GABRG3: variants seen among roughly 807,000 people sequenced by gnomAD.
GABRG3 encodes gamma-aminobutyric acid type A receptor subunit gamma3.
In GABRG3, 25 loss-of-function variants were observed where a neutral mutation model predicts 48.8. The ratio of observed to expected loss-of-function variants is 0.51; its 90% CI spans 0.37 to 0.72. The LOEUF is 0.72. Among genes scored for constraint, GABRG3 ranks in the 30% least tolerant of loss-of-function variants. The pLI is 0.00. For missense variants in GABRG3, 394 were observed against 577.9 expected (o/e 0.68, Z 3.26); for synonymous variants, 227 against 217.6 (o/e 1.04, Z -0.38).
intron 5 of GABRG3, among the ~76,000 whole-genome samples, chr15:27,408,335 C>G (rs1418838064): frequency 1.3e-5 from 2 of 152,108 alleles, no homozygotes; most frequent in Non-Finnish European, 2.9e-5. Context: ...ATTAGTGATA[C>G]ATATAAATGA....
At position 27,180,422 on chromosome 15, in the gene GABRG3, G is replaced by A. The variant is rs558572695; in HGVS notation, c.271-146387G>A. On this transcript the variant is annotated intron_variant, in intron 3 of 9. Coordinates refer to ENST00000615808, the MANE Select transcript of GABRG3 (RefSeq NM_033223.5). The surrounding 1 kb of genome is among the most constrained non-coding windows in gnomAD (Gnocchi z 4.2). The stretch of plus-strand genomic sequence containing the variant: ...CAGTGCATTTGCATCCTGAGGTCAC[G>A]TTGTGCATCCATTGTCACACTCGGG... Among the ~76,000 whole-genome samples, 12 of 152,218 alleles carry A rather than the reference G, an allele frequency of 7.9e-5. No homozygotes were observed. Among genetic ancestry groups the A allele is most frequent in the East Asian group, 3.9e-4 (2 of 5,156 alleles).
At chr15:27,508,097 T>C (rs1890803533) in intron 6 of GABRG3, among the ~76,000 whole-genome samples, 1 of 152,242 alleles carries the variant, frequency 6.6e-6, no homozygotes, top group African/African-American at 2.4e-5. Context: ...TCTTGATTTT[T>C]ATCCAAGCTG....
At chr15:27,041,670 A>G (rs1285772240) in intron 3 of GABRG3, among the ~76,000 whole-genome samples, 3 of 152,200 alleles carry the variant, frequency 2.0e-5, no homozygotes, top group East Asian at 1.9e-4. Flanking sequence ...ACATTTGCCA[A>G]TCATCAAAGC....
At chr15:27,167,832 T>G (rs1887429815) in intron 3 of GABRG3, among the ~76,000 whole-genome samples, 1 of 151,432 alleles carries the variant, frequency 6.6e-6, no homozygotes, top group African/African-American at 2.4e-5. Flanking sequence ...AGGGAAGGAG[T>G]GGCTGCACCC....
At chr15:27,067,669 C>T (rs938467423) in intron 3 of GABRG3, among the ~76,000 whole-genome samples, 3 of 152,188 alleles carry the variant, frequency 2.0e-5, no homozygotes, top group Non-Finnish European at 2.9e-5. Flanking sequence ...TTTCAGGCCC[C>T]GATTTTGGGG....
intron 3 of GABRG3, among the ~76,000 whole-genome samples, chr15:27,242,377 A>G (rs1303406769): frequency 6.6e-6 from 1 of 152,212 alleles, no homozygotes; most frequent in Non-Finnish European, 1.5e-5. Context: ...CAGAATAGTT[A>G]TTTTTAAAAT....
intron 3 of GABRG3, among the ~76,000 whole-genome samples, chr15:27,047,370 T>C: frequency 6.6e-6 from 1 of 152,206 alleles, no homozygotes; most frequent in East Asian, 1.9e-4. Context: ...TCCATTACTG[T>C]AATTCATGGG....
intron 3 of GABRG3, among the ~76,000 whole-genome samples, chr15:27,266,944 A>G (rs1027034356): frequency 6.6e-6 from 1 of 152,062 alleles, no homozygotes; most frequent in African/African-American, 2.4e-5. Flanking sequence ...GAATAACTAC[A>G]CTTGTACTTC....
intron 5 of GABRG3, among the ~76,000 whole-genome samples, chr15:27,468,321 A>G (rs1183152948): frequency 6.6e-6 from 1 of 152,250 alleles, no homozygotes; most frequent in Non-Finnish European, 1.5e-5. Flanking sequence ...AAGTGGTGGA[A>G]TATTCCTGGA....
At chr15:27,185,433 T>C (rs551994043) in intron 3 of GABRG3, among the ~76,000 whole-genome samples, 1 of 152,316 alleles carries the variant, frequency 6.6e-6, no homozygotes, top group East Asian at 1.9e-4. Context: ...TTAAAATTCT[T>C]GAGATTTATT....
At chr15:27,401,789 T>G (rs1013181947) in intron 5 of GABRG3, among the ~76,000 whole-genome samples, 1 of 152,236 alleles carries the variant, frequency 6.6e-6, no homozygotes, top group African/African-American at 2.4e-5. Flanking sequence ...ACTTACAAAT[T>G]CTTCTTCATT....
At chr15:27,366,402 T>C (rs1244858171) in intron 5 of GABRG3, 1 of 152,200 alleles carries the variant, frequency 6.6e-6, no homozygotes, top group Admixed American at 6.5e-5. Context: ...AATCCCATTA[T>C]CTTTGATTTC....
At chr15:27,125,367 G>T (rs941000371) in intron 3 of GABRG3, among the ~76,000 whole-genome samples, 3 of 151,936 alleles carry the variant, frequency 2.0e-5, no homozygotes, top group Non-Finnish European at 2.9e-5. Context: ...GGAGGAGAGG[G>T]TGGGGAGAGG....
chr15:27,500,527 T>C (rs1052217913), intron 6 of GABRG3, among the ~76,000 whole-genome samples: 3 of 152,220 alleles, frequency 2.0e-5, no homozygotes, highest in African/African-American at 7.2e-5. Flanking sequence ...AATGGATCTG[T>C]GGGCAAAGGC....
In GABRG3 at chr15:27,373,275, C is replaced by G. The variant is rs1285261714; in HGVS notation, c.574+44387C>G. On this transcript the variant is annotated intron_variant, in intron 5 of 9. Coordinates refer to ENST00000615808, the MANE Select transcript of GABRG3 (RefSeq NM_033223.5). ...CTTATGAATATAAAATAAATACTGT[C>G]AAGTGTTTTTATCAACTCATTAATA... Among the ~76,000 whole-genome samples, 5 of 152,208 alleles carry G rather than the reference C, an allele frequency of 3.3e-5. No homozygotes were observed. In the East Asian group the frequency reaches 9.6e-4, roughly 29 times the overall value.
At chr15:27,155,613 T>A (rs1368676614) in intron 3 of GABRG3, among the ~76,000 whole-genome samples, 2 of 152,198 alleles carry the variant, frequency 1.3e-5, no homozygotes, top group Non-Finnish European at 2.9e-5. Context: ...CACTTCCAGG[T>A]TGCTACAGAA....
intron 3 of GABRG3, among the ~76,000 whole-genome samples, chr15:27,054,304 G>A (rs188997093): frequency 1.3e-5 from 2 of 152,020 alleles, no homozygotes; most frequent in East Asian, 1.9e-4. Flanking sequence ...AAAACTGCCT[G>A]TTGGGTTCTG....
At chr15:27,220,889 T>C (rs1397594744) in intron 3 of GABRG3, among the ~76,000 whole-genome samples, 1 of 152,162 alleles carries the variant, frequency 6.6e-6, no homozygotes, top group Non-Finnish European at 1.5e-5. Context: ...CTTCATTAGC[T>C]GTAATCAGTA....
chr15:27,055,022 TTTTTTA>T (rs1176465936), intron 3 of GABRG3, among the ~76,000 whole-genome samples: 1 of 151,654 alleles, frequency 6.6e-6, no homozygotes, highest in African/African-American at 2.4e-5. Context: ...TTTTTTTTTT[TTTTTTA>T]AATGACTTGT....
Sources: allele counts gnomAD v4.1 joint callset (sites outside exome capture counted in the v4.1 genomes callset), GRCh38; gene constraint gnomAD v4.1.1; non-coding constraint Gnocchi (gnomAD v3.1); transcripts MANE v1.5; gene names NCBI Gene and HGNC (gene_info 2026-07-23, HGNC 2026-07-21).